The following AFG2A variants were observed in gnomAD, a reference collection of about 807,000 sequenced individuals.
AFG2A encodes the protein ATPase family gene 2 protein homolog A.
the AFG2A span, among the ~76,000 whole-genome samples, chr4:123,026,105 ATGTGTGTGTGTGTGTG>A: frequency 6.7e-6 from 1 of 149,132 alleles, no homozygotes; most frequent in Non-Finnish European, 1.5e-5. Flanking sequence ...GTGTATGTGT[ATGTGTGTGTGTGTGTG>A]TGTGTGTGTG....
At chr4:123,245,060 G>A in the AFG2A span, among the ~76,000 whole-genome samples, 14 of 152,268 alleles carry the variant, frequency 9.2e-5, no homozygotes, top group East Asian at 2.7e-3. Flanking sequence ...GGAGTACATG[G>A]CCTGGGAGTA....
chr4:123,072,552 G>A, the AFG2A span, among the ~76,000 whole-genome samples: 2 of 152,242 alleles, frequency 1.3e-5, no homozygotes, highest in African/African-American at 4.8e-5. Context: ...GCCCAAAAAA[G>A]TGAGCAAGAA....
At chr4:123,133,489 CGT>C in the AFG2A span, among the ~76,000 whole-genome samples, 18 of 148,110 alleles carry the variant, frequency 1.2e-4, no homozygotes, top group African/African-American at 3.0e-4. Flanking sequence ...TAGGCGTGTG[CGT>C]GTGTGTGTGT....
At chr4:123,073,608 C>T in the AFG2A span, among the ~76,000 whole-genome samples, 6 of 152,090 alleles carry the variant, frequency 3.9e-5, no homozygotes, top group Admixed American at 2.6e-4. Flanking sequence ...TATTTTCTCT[C>T]AGGTGGTTGT....
chr4:123,243,098 C>T, the AFG2A span, among the ~76,000 whole-genome samples: 1 of 152,162 alleles, frequency 6.6e-6, no homozygotes, highest in Non-Finnish European at 1.5e-5. Context: ...TGGGAAACAA[C>T]AGATGCTGGA....
the AFG2A span, among the ~76,000 whole-genome samples, chr4:122,947,012 T>G: frequency 2.0e-5 from 3 of 152,196 alleles, no homozygotes; most frequent in East Asian, 5.8e-4. Flanking sequence ...GGAGGAAGCA[T>G]TTAGGCTGAA....
the AFG2A span, among the ~76,000 whole-genome samples, chr4:123,226,245 T>A: frequency 6.6e-6 from 1 of 152,176 alleles, no homozygotes; most frequent in Non-Finnish European, 1.5e-5. Context: ...CTTCCAACAC[T>A]ATGTTGAATA....
At chr4:122,968,600 TTCGA>T in the AFG2A span, among the ~76,000 whole-genome samples, 6 of 152,266 alleles carry the variant, frequency 3.9e-5, no homozygotes, top group African/African-American at 7.2e-5. Flanking sequence ...TATTGCTGAA[TTCGA>T]TTGTTTAAGT....
chr4:122,984,888 T>G, the AFG2A span, among the ~76,000 whole-genome samples: 1 of 152,184 alleles, frequency 6.6e-6, no homozygotes, highest in South Asian at 2.1e-4. Flanking sequence ...GCTTCAGTGT[T>G]CATCAAGGAT....
the AFG2A span, among the ~76,000 whole-genome samples, chr4:123,129,597 G>A: frequency 7.2e-5 from 11 of 152,200 alleles, no homozygotes; most frequent in South Asian, 1.9e-3. Context: ...ATTCCTCTTT[G>A]TTTTACGTGA....
At chr4:123,272,742 C>T in the AFG2A span, among the ~76,000 whole-genome samples, 1 of 151,926 alleles carries the variant, frequency 6.6e-6, no homozygotes, top group African/African-American at 2.4e-5. Flanking sequence ...AAAACTAGAT[C>T]GTAGAGAACT....
At chr4:123,222,283 G>A in the AFG2A span, among the ~76,000 whole-genome samples, 2 of 152,158 alleles carry the variant, frequency 1.3e-5, no homozygotes, top group African/African-American at 4.8e-5. Context: ...TTGTGTGTCT[G>A]TTATTTTAAG....
At chr4:123,058,744 ATG>A in the AFG2A span, among the ~76,000 whole-genome samples, 11 of 9,532 alleles carry the variant, frequency 1.2e-3, no homozygotes, top group East Asian at 0.2. Flanking sequence ...CTCCCACAAC[ATG>A]TGGGAATTAT....
the AFG2A span, among the ~76,000 whole-genome samples, chr4:123,173,360 T>G: frequency 4.0e-5 from 5 of 124,296 alleles, no homozygotes; most frequent in Admixed American, 8.0e-5. Context: ...TTTTTTTTTT[T>G]TTTTTTTTTT....
chr4:123,132,487 TTGTG>T, the AFG2A span, among the ~76,000 whole-genome samples: 1 of 149,142 alleles, frequency 6.7e-6, no homozygotes, highest in African/African-American at 2.5e-5. Flanking sequence ...TGAATTATAT[TTGTG>T]TGTGTGTGTG....
the AFG2A span, among the ~76,000 whole-genome samples, chr4:122,943,675 A>G: frequency 6.6e-6 from 1 of 152,094 alleles, no homozygotes; most frequent in Non-Finnish European, 1.5e-5. Flanking sequence ...TGATCCTGTC[A>G]TTATGATGTT....
At chr4:123,174,821 A>T in the AFG2A span, among the ~76,000 whole-genome samples, 9 of 148,078 alleles carry the variant, frequency 6.1e-5, no homozygotes, top group African/African-American at 2.0e-4. Context: ...ATCTTTTTTA[A>T]AAAAAATATA....
the AFG2A span, among the ~76,000 whole-genome samples, chr4:123,003,694 G>A: frequency 1.3e-5 from 2 of 152,004 alleles, no homozygotes; most frequent in Non-Finnish European, 2.9e-5. Flanking sequence ...ACCCGGCCGT[G>A]TGAGGTGTCA....
At chr4:122,980,677 A>G in the AFG2A span, among the ~76,000 whole-genome samples, 56 of 152,288 alleles carry the variant, frequency 3.7e-4, no homozygotes, top group Non-Finnish European at 5.3e-4. Context: ...TCTTTTTGGT[A>G]ATGGCCTTCC....
Sources: allele counts gnomAD v4.1 joint callset (sites outside exome capture counted in the v4.1 genomes callset), GRCh38; gene constraint gnomAD v4.1.1; transcripts MANE v1.5; gene names NCBI Gene and HGNC (gene_info 2026-07-23, HGNC 2026-07-21).